Variants in PARVA observed in about 807,000 individuals in gnomAD.
PARVA encodes alpha-parvin.
Under a neutral mutation model 52.6 loss-of-function variants are expected in PARVA, and 25 were observed. The ratio of observed to expected loss-of-function variants is 0.48; its 90% confidence interval spans 0.35 to 0.66. PARVA has a LOEUF of 0.66. Ranked by LOEUF, PARVA falls within the 30% of genes least tolerant of loss-of-function variation. PARVA has a pLI of 0.01. For missense variants in PARVA, 373 were observed against 450.9 expected (o/e 0.83, Z 1.56); for synonymous variants, 185 against 179.1 (o/e 1.03, Z -0.26).
intron 1 of PARVA, among the ~76,000 whole-genome samples, chr11:12,428,750 C>T (rs900233105): frequency 6.6e-6 from 1 of 152,172 alleles, no homozygotes; most frequent in African/African-American, 2.4e-5. Context: ...GCTCACCCCA[C>T]GCAGGCACCT....
At chr11:12,384,855 G>A (rs1223317911) in intron 1 of PARVA, among the ~76,000 whole-genome samples, 1 of 152,144 alleles carries the variant, frequency 6.6e-6, no homozygotes, top group East Asian at 1.9e-4. Context: ...AGGTTTTGTA[G>A]GGCCCTGGAA....
rs142508330 is a variant in PARVA, at chr11:12,489,727, G to C, written c.401-6731G>C. Among the ~76,000 whole-genome samples, 10 of 152,212 alleles carry C rather than the reference G, an allele frequency of 6.6e-5. No homozygotes were observed. The East Asian group carries it at 1.9e-3, about 29-fold the overall frequency. On this transcript the variant is annotated intron_variant, in intron 4 of 12. Transcript: ENST00000334956. ...GAACACTGAAGACAAATGATTAAAA[G>C]CATAGAGGAAAAAATCAATTATTTA...
chr11:12,448,388 C>A lies in PARVA; in HGVS notation c.137-25357C>A, dbSNP rs112515744. The stretch of plus-strand genomic sequence containing the variant: ...CAAAGTAGTAGGATGTTTCCAAGGG[C>A]AGATGAGTGCGGCAGCAGTTGGATG... On this transcript the variant is annotated intron_variant, in intron 1 of 12. Transcript: ENST00000334956. Among the ~76,000 whole-genome samples the A allele has an allele frequency of 2.3e-3, 352 of 152,302 alleles. 5 individuals are homozygous for A. Among genetic ancestry groups the A allele is most frequent in the African/African-American group, 8.1e-3 (338 of 41,578 alleles).
rs1487227217 is a variant in PARVA at position 12,527,785 on chromosome 11, T to C, written c.1043-64T>C. The C allele has an allele frequency of 5.6e-6, 7 of 1,240,816 alleles. No individual in the cohort carries two copies. The South Asian group carries it at 7.2e-5, about 13-fold the overall frequency. 76.9% of individuals were successfully genotyped at this position (1,240,816 alleles called of 1,614,324 possible). A position where few individuals can be genotyped will look rare whatever the true frequency, so the allele number is the denominator to read the frequency against. The stretch of plus-strand genomic sequence containing the variant: ...GGTGGTGGGTGGAAGGGAGGGGCAG[T>C]GTATGCCAGCTTTGGAACATGTGGC... On this transcript the variant is annotated intron_variant, in intron 12 of 12. Transcript: ENST00000334956.
At chr11:12,427,326 C>T (rs770334092) in intron 1 of PARVA, among the ~76,000 whole-genome samples, 3 of 152,222 alleles carry the variant, frequency 2.0e-5, no homozygotes, top group Non-Finnish European at 2.9e-5. Context: ...GTCTCCTGCC[C>T]TGCATGTGGC....
At chr11:12,474,505 A>G (rs1337995672) in intron 3 of PARVA, among the ~76,000 whole-genome samples, 1 of 152,096 alleles carries the variant, frequency 6.6e-6, no homozygotes, top group Non-Finnish European at 1.5e-5. Context: ...CCTGCGTCTT[A>G]TTCCCTGTCC....
intron 10 of PARVA, among the ~76,000 whole-genome samples, 179 bp downstream of exon 10, chr11:12,514,244 T>C (rs1230704154): frequency 6.6e-6 from 1 of 152,188 alleles, no homozygotes; most frequent in Non-Finnish European, 1.5e-5. Context: ...CTTTTTATTA[T>C]GAAAATTACA....
chr11:12,508,172 G>A (rs1165971419), intron 6 of PARVA, among the ~76,000 whole-genome samples: 1 of 144,190 alleles, frequency 6.9e-6, no homozygotes, highest in Admixed American at 7.0e-5. Context: ...GTTGGCCTCA[G>A]TTCCTCCACC....
At chr11:12,500,948 A>G (rs886859718) in intron 5 of PARVA, among the ~76,000 whole-genome samples, 1 of 151,984 alleles carries the variant, frequency 6.6e-6, no homozygotes, top group African/African-American at 2.4e-5. Context: ...CTCTTTACTA[A>G]AAGCACAAAA....
chr11:12,472,161 A>G (rs1940943031), intron 1 of PARVA, among the ~76,000 whole-genome samples: 1 of 152,186 alleles, frequency 6.6e-6, no homozygotes, highest in Non-Finnish European at 1.5e-5. Context: ...GCCACATTGG[A>G]AGGAGGAGGA....
chr11:12,483,457 C>A (rs1941114634), intron 4 of PARVA, among the ~76,000 whole-genome samples: 1 of 152,214 alleles, frequency 6.6e-6, no homozygotes, highest in Non-Finnish European at 1.5e-5. Context: ...GCTGGGCCCT[C>A]TGAGAAACCA....
chr11:12,527,368 G>A (rs1434699484), intron 12 of PARVA, among the ~76,000 whole-genome samples: 2 of 152,084 alleles, frequency 1.3e-5, no homozygotes, highest in African/African-American at 4.8e-5. Context: ...ACCTCCAGCT[G>A]AAGTTTTAGC....
intron 4 of PARVA, among the ~76,000 whole-genome samples, chr11:12,487,540 A>G (rs1322593066): frequency 6.6e-6 from 1 of 152,212 alleles, no homozygotes; most frequent in Non-Finnish European, 1.5e-5. Context: ...AGCCAAATGT[A>G]GCTAGTAGCT....
chr11:12,526,804 G>C (rs566895378), intron 12 of PARVA, among the ~76,000 whole-genome samples: 1 of 151,992 alleles, frequency 6.6e-6, no homozygotes, highest in Non-Finnish European at 1.5e-5. Flanking sequence ...ACTCTTCAAA[G>C]GTTGGCTTTC....
At chr11:12,453,893 G>T (rs1038656833) in intron 1 of PARVA, among the ~76,000 whole-genome samples, 1 of 152,192 alleles carries the variant, frequency 6.6e-6, no homozygotes, top group East Asian at 1.9e-4. Flanking sequence ...AGCCCTCTTG[G>T]TTCCCCTGAA....
At chr11:12,514,125 A>G in intron 10 of PARVA, 60 bp downstream of exon 10, 1 of 1,364,728 alleles carries the variant, frequency 7.3e-7, no homozygotes, top group Non-Finnish European at 1.0e-6. Context: ...CCCTGTTCCA[A>G]GTGGCCCACC....
chr11:12,400,179 G>C (rs373569215), intron 1 of PARVA, among the ~76,000 whole-genome samples: 3 of 152,196 alleles, frequency 2.0e-5, no homozygotes, highest in African/African-American at 7.2e-5. Context: ...TATGTTCCCA[G>C]CCGTAGTCTA....
At chr11:12,402,361 C>A (rs918631308) in intron 1 of PARVA, among the ~76,000 whole-genome samples, 2 of 152,170 alleles carry the variant, frequency 1.3e-5, no homozygotes, top group Admixed American at 6.5e-5. Flanking sequence ...TTATTCCTGA[C>A]GTCATCCATT....
intron 4 of PARVA, among the ~76,000 whole-genome samples, chr11:12,493,217 G>A (rs535366714): frequency 4.7e-4 from 72 of 151,908 alleles, no homozygotes; most frequent in Admixed American, 2.2e-3. Flanking sequence ...TTAGCTGGGC[G>A]TGGTGGTGCA....
Sources: allele counts gnomAD v4.1 joint callset (sites outside exome capture counted in the v4.1 genomes callset), GRCh38; gene constraint gnomAD v4.1.1; transcripts MANE v1.5; gene names NCBI Gene and HGNC (gene_info 2026-07-23, HGNC 2026-07-21).